FER: variants seen among roughly 807,000 people sequenced by gnomAD.
FER encodes the protein tyrosine-protein kinase Fer.
In FER, 63 loss-of-function variants were observed where a neutral mutation model predicts 111.0. That is an observed-to-expected ratio of 0.57 (90% CI 0.46 to 0.70). The LOEUF (loss-of-function observed/expected upper bound fraction) is 0.70. Ranked by LOEUF, FER falls within the 30% of genes least tolerant of loss-of-function variation. The probability of loss-of-function intolerance (pLI) is 0.00; values close to 1 mark genes in which losing one functional copy is unlikely to be tolerated. For missense variants in FER, 914 were observed against 954.0 expected, an observed-to-expected ratio of 0.96 and a Z score of 0.55; for synonymous variants, 327 against 313.9, an observed-to-expected ratio of 1.04 and a Z score of -0.44.
At chr5:108,750,151 A>T (rs569665243) in intron 1 of FER, among the ~76,000 whole-genome samples, 199 of 152,310 alleles carry the variant, frequency 1.3e-3, no homozygotes, top group African/African-American at 4.3e-3. Flanking sequence ...AATTTCTCAG[A>T]TGAGGTTACC....
At chr5:108,888,902 T>C (rs1413360321) in intron 9 of FER, among the ~76,000 whole-genome samples, 1 of 151,912 alleles carries the variant, frequency 6.6e-6, no homozygotes, top group East Asian at 1.9e-4. Flanking sequence ...CAAGTCTCAT[T>C]ATCCTTAAAA....
rs1007086948 is a variant in FER, at chr5:109,191,601, G to A, written c.*4026G>A. ...TTAGGTATTAATATCTTAATTAAAT[G>A]GAATCAGATTTTGTATGGAAATGAG... On this transcript the variant is annotated 3_prime_UTR_variant, in exon 20 of 20. Transcript: ENST00000281092. 6.6e-6 allele frequency: 1 copy of A among 152,024 alleles called. No individual in the cohort carries two copies. The highest frequency in any genetic ancestry group is 1.5e-5 in the Non-Finnish European group (1 of 68,002). The allele number at this position is 152,024 out of a possible 1,614,324, so 9.4% of individuals were successfully genotyped here. A position where few individuals can be genotyped will look rare whatever the true frequency, so the allele number is the denominator to read the frequency against.
intron 16 of FER, among the ~76,000 whole-genome samples, chr5:109,056,905 C>CT (rs1486861801): frequency 5.9e-5 from 9 of 152,036 alleles, no homozygotes; most frequent in Non-Finnish European, 1.3e-4. Context: ...TTTTCAGATT[C>CT]TTTTAGAAGT....
chr5:109,190,090 G>A lies in FER; in HGVS notation c.*2515G>A, dbSNP rs1759270297. ...AAACTTACGCAAACAGTTTTTCACT[G>A]TTAATTTTGTTGTGCTTGAAGCATA... On this transcript the variant is annotated 3_prime_UTR_variant, in exon 20 of 20. Coordinates refer to ENST00000281092, the MANE Select transcript of FER (RefSeq NM_005246.4). The A allele has an allele frequency of 6.6e-6, 1 of 152,082 alleles. No individual in the cohort carries two copies. Among genetic ancestry groups the A allele is most frequent in the Non-Finnish European group, 1.5e-5 (1 of 68,002 alleles). The allele number at this position is 152,082 out of a possible 1,614,324, so 9.4% of individuals were successfully genotyped here.
chr5:108,763,568 T>C (rs1306661903), intron 1 of FER, among the ~76,000 whole-genome samples: 2 of 152,194 alleles, frequency 1.3e-5, no homozygotes, highest in Admixed American at 6.5e-5. Flanking sequence ...AAGGTATCTT[T>C]AGGTTTCTTA....
At chr5:108,825,841 T>G (rs575699638) in intron 3 of FER, among the ~76,000 whole-genome samples, 2 of 152,232 alleles carry the variant, frequency 1.3e-5, no homozygotes, top group Non-Finnish European at 1.5e-5. Context: ...GTTCCTCCAT[T>G]TGGGGTCCCT....
intron 17 of FER, among the ~76,000 whole-genome samples, chr5:109,148,574 G>T (rs1369751088): frequency 1.3e-5 from 2 of 152,044 alleles, no homozygotes; most frequent in African/African-American, 2.4e-5. Context: ...GAGTTGTGTG[G>T]GACACTGGGA....
chr5:109,174,162 G>A (rs1176702307), intron 17 of FER, among the ~76,000 whole-genome samples: 14 of 152,084 alleles, frequency 9.2e-5, no homozygotes, highest in South Asian at 2.1e-4. Context: ...TATGAAGTGC[G>A]GTAAAGGAGG....
chr5:109,171,725 T>A (rs891318148), intron 17 of FER, among the ~76,000 whole-genome samples: 4 of 152,156 alleles, frequency 2.6e-5, no homozygotes, highest in African/African-American at 9.7e-5. Context: ...TCCAGAAGTC[T>A]TTTAGGAGTA....
chr5:109,126,668 A>G (rs1582153060), intron 17 of FER, among the ~76,000 whole-genome samples: 1 of 152,132 alleles, frequency 6.6e-6, no homozygotes, highest in African/African-American at 2.4e-5. Context: ...CAGATACCGG[A>G]TTGTTTATTT....
chr5:108,758,450 C>T (rs756365980), intron 1 of FER, among the ~76,000 whole-genome samples: 3 of 152,218 alleles, frequency 2.0e-5, no homozygotes, highest in Non-Finnish European at 4.4e-5. Context: ...GACCAAAACT[C>T]TGCTCATACT....
intron 2 of FER, among the ~76,000 whole-genome samples, chr5:108,780,044 A>C (rs1753885264): frequency 6.6e-6 from 1 of 152,230 alleles, no homozygotes; most frequent in South Asian, 2.1e-4. Context: ...TATGTGTTAG[A>C]TCGACTGAGA....
intron 13 of FER, among the ~76,000 whole-genome samples, chr5:109,021,351 C>G (rs753065979): frequency 1.3e-5 from 2 of 151,956 alleles, no homozygotes; most frequent in African/African-American, 2.4e-5. Context: ...AATCAACAAA[C>G]TTCTATGTAC....
intron 5 of FER, among the ~76,000 whole-genome samples, chr5:108,859,920 C>CTAT (rs202162884): frequency 0.13 from 18,655 of 141,484 alleles, 1,342 homozygotes; most frequent in East Asian, 0.19. Flanking sequence ...ATGTATATAC[C>CTAT]TATTATTATT....
At chr5:108,875,304 A>G (rs1046300790) in intron 8 of FER, among the ~76,000 whole-genome samples, 7 of 152,144 alleles carry the variant, frequency 4.6e-5, no homozygotes, top group African/African-American at 1.4e-4. Flanking sequence ...TTTATGCTAC[A>G]TTATTTTCGG....
chr5:109,009,153 T>G (rs1765902148), intron 13 of FER, among the ~76,000 whole-genome samples: 2 of 149,478 alleles, frequency 1.3e-5, no homozygotes, highest in Admixed American at 1.3e-4. Context: ...GTTTAAGCTA[T>G]TCTCCTGCCT....
At chr5:108,840,457 A>G (rs1456812218) in intron 5 of FER, among the ~76,000 whole-genome samples, 2 of 151,966 alleles carry the variant, frequency 1.3e-5, no homozygotes, top group African/African-American at 4.8e-5. Context: ...TAAACATACC[A>G]CATTTGATTG....
At chr5:108,919,393 G>T (rs1752726018) in intron 10 of FER, among the ~76,000 whole-genome samples, 1 of 151,044 alleles carries the variant, frequency 6.6e-6, no homozygotes, top group South Asian at 2.1e-4. Context: ...TGGAGGGAGG[G>T]TTTTTCTAAA....
chr5:108,919,820 T>C (rs978573993), intron 10 of FER, among the ~76,000 whole-genome samples: 5 of 152,170 alleles, frequency 3.3e-5, no homozygotes, highest in African/African-American at 1.2e-4. Context: ...AGAGGGACTT[T>C]AGTTCAAATC....
Sources: gnomAD v4.1 joint callset for allele counts (sites outside exome capture counted in the v4.1 genomes callset) on GRCh38, gnomAD v4.1.1 for gene constraint, MANE v1.5 for transcripts, NCBI Gene and HGNC (gene_info 2026-07-23, HGNC 2026-07-21) for gene names.